Variants in RNF214 observed in about 807,000 individuals in gnomAD.
RNF214 encodes ring finger protein 214.
Under a neutral mutation model 75.9 loss-of-function variants are expected in RNF214, and 25 were observed. The observed-to-expected ratio is 0.33, with a 90% confidence interval of 0.24 to 0.46. The LOEUF (loss-of-function observed/expected upper bound fraction) is 0.46. Among genes scored for constraint, RNF214 ranks in the 20% least tolerant of loss-of-function variants. RNF214 has a pLI of 1.00. For synonymous variants in RNF214, 314 were observed against 308.8 expected, an observed-to-expected ratio of 1.02 and a Z score of -0.18; for missense variants, 725 against 857.5, an observed-to-expected ratio of 0.85 and a Z score of 1.93.
chr11:117,233,495 C>T (rs1056593134), intron 1 of RNF214, among the ~76,000 whole-genome samples: 6 of 152,206 alleles, frequency 3.9e-5, no homozygotes, highest in Non-Finnish European at 7.3e-5. Flanking sequence ...ATCCCCACCT[C>T]CCAAGTATTT....
At chr11:117,275,173 A>G (rs1229044877) in intron 6 of RNF214, among the ~76,000 whole-genome samples, 1 of 152,238 alleles carries the variant, frequency 6.6e-6, no homozygotes, top group Non-Finnish European at 1.5e-5. Flanking sequence ...TGAGTTAACA[A>G]TGAAATCAAG....
chr11:117,282,242 C>A lies in RNF214; in HGVS notation c.1684C>A (p.Leu562Met), dbSNP rs1426206676. Residue 562 changes from leucine (L) to methionine (M), a missense_variant, in exon 11 of 15, where the codon CTG (leucine) becomes ATG (methionine). By Grantham distance (15) the Leu-to-Met change is conservative (BLOSUM62 2). Around this residue, in one of 2 missense-constraint regions of RNF214, gnomAD observed 363 missense variants for 513.0 expected, o/e 0.71. Coordinates refer to ENST00000300650, the MANE Select transcript of RNF214 (RefSeq NM_207343.4). ...CAAACTGGAGAAGATCCTGGAGAAG[C>A]TGCTGACCCGGTTCCCACAGTGCAA... is the stretch of plus-strand genomic sequence containing the variant. The part of the protein sequence containing the change: ...VDKLEKILEK[L>M]LTRFPQCNKA... 1 of 1,601,850 alleles carries A rather than the reference C, an allele frequency of 6.2e-7. No homozygotes were observed. Among genetic ancestry groups the A allele is most frequent in the Non-Finnish European group, 8.5e-7 (1 of 1,173,572 alleles).
intron 6 of RNF214, among the ~76,000 whole-genome samples, chr11:117,269,634 A>C (rs994506859): frequency 6.6e-6 from 1 of 152,212 alleles, no homozygotes; most frequent in Non-Finnish European, 1.5e-5. Flanking sequence ...AAGTACTGGG[A>C]TTACAGGCGT....
At chr11:117,278,296 T>A (rs147334308) in intron 6 of RNF214, among the ~76,000 whole-genome samples, 170 of 152,276 alleles carry the variant, frequency 1.1e-3, no homozygotes, top group African/African-American at 3.9e-3. Context: ...AGAGTGAGAC[T>A]CTGTCTCAAA....
At chr11:117,244,675 T>TTTAA (rs1184796277) in intron 5 of RNF214, 90 bp downstream of exon 5, 2 of 1,035,694 alleles carry the variant, frequency 1.9e-6, no homozygotes, top group African/African-American at 1.8e-5. Flanking sequence ...TATTTATTTA[T>TTTAA]TTATTTTTGA....
At position 117,282,761 on chromosome 11, in the gene RNF214, C is replaced by T; in HGVS notation, c.1861C>T (p.Arg621Trp). Residue 621 changes from arginine to tryptophan, a missense_variant, in exon 13 of 15, where the codon CGG (arginine) becomes TGG (tryptophan). Physicochemically the swap from Arg to Trp is moderately radical, Grantham distance 101. This residue lies in a region of RNF214 where 363 missense variants were observed against 513.0 expected (regional missense o/e 0.71). Transcript: ENST00000300650. ...CTACCTACAGCCACTTGGTCGCATC[C>T]GGGCCTTGTTCCCTGCTCCACTGGC... Reference protein sequence around the residue: ...AASTQPLGRIRALFPAPLAQI... With the variant: ...AASTQPLGRIWALFPAPLAQI... 1 of 1,614,052 alleles carries T rather than the reference C, an allele frequency of 6.2e-7. No homozygotes were observed. Among genetic ancestry groups the T allele is most frequent in the Non-Finnish European group, 8.5e-7 (1 of 1,179,930 alleles).
Position 117,240,570 on chromosome 11 carries a change from C to T in RNF214, c.678+710C>T, listed in dbSNP as rs534561319. Among the ~76,000 whole-genome samples, 7 of 151,712 alleles carry T rather than the reference C, an allele frequency of 4.6e-5. No homozygotes were observed. The South Asian group carries it at 1.5e-3, about 32-fold the overall frequency. Reference sequence around the variant, plus strand: ...GGGCGTGGTGGTGTGTGCCTGTAATCCCAGCTACTCGGGAGGCTGAGGCAG... The same window carrying T: ...GGGCGTGGTGGTGTGTGCCTGTAATTCCAGCTACTCGGGAGGCTGAGGCAG... On this transcript the variant is annotated intron_variant, in intron 4 of 14. Coordinates refer to ENST00000300650, the MANE Select transcript of RNF214 (RefSeq NM_207343.4).
chr11:117,268,245 G>A (rs2033837725), intron 6 of RNF214, among the ~76,000 whole-genome samples: 1 of 152,204 alleles, frequency 6.6e-6, no homozygotes, highest in Admixed American at 6.5e-5. Flanking sequence ...TCTGTAAATT[G>A]GAGCAAGGTG....
intron 6 of RNF214, among the ~76,000 whole-genome samples, chr11:117,257,541 A>G (rs1565337862): frequency 6.6e-6 from 1 of 152,228 alleles, no homozygotes; most frequent in African/African-American, 2.4e-5. Context: ...ATTGGAAATG[A>G]GAGACTTGAA....
In RNF214 at chr11:117,238,637, T is replaced by C; in HGVS notation, c.144T>C (p.Pro48=). The change falls in exon 3 of 15, where the codon CCT becomes CCC. Residue 48 remains proline, a synonymous_variant. Transcript: ENST00000300650. ...CTGCACAGAAGCAGAAGAACTCGCC[T>C]CTGTTGAGTGTAAGTAGCCAAACAA... is the stretch of plus-strand genomic sequence containing the variant. ...KDSAQKQKNS[P]LLSVSSQTIT... The C allele has an allele frequency of 6.2e-7, 1 of 1,614,134 alleles. No homozygotes were observed. Among genetic ancestry groups the C allele is most frequent in the Non-Finnish European group, 8.5e-7 (1 of 1,179,984 alleles).
At chr11:117,275,965 G>A (rs921986083) in intron 6 of RNF214, among the ~76,000 whole-genome samples, 2 of 152,160 alleles carry the variant, frequency 1.3e-5, no homozygotes, top group Admixed American at 6.5e-5. Flanking sequence ...TATCCCTGAT[G>A]AACATAGATG....
At chr11:117,274,364 T>TTC (rs201490561) in intron 6 of RNF214, among the ~76,000 whole-genome samples, 3,349 of 140,978 alleles carry the variant, frequency 0.024, 133 homozygotes, top group African/African-American at 0.084. Context: ...TTCTTTTTTT[T>TTC]TTTTTTTTTT....
intron 4 of RNF214, among the ~76,000 whole-genome samples, chr11:117,242,207 G>T (rs1227110752): frequency 4.6e-5 from 7 of 152,070 alleles, no homozygotes; most frequent in Non-Finnish European, 2.9e-5. Flanking sequence ...TAAAGGGAAG[G>T]TAATGCTGGG....
chr11:117,269,689 T>G (rs1213668584), intron 6 of RNF214, among the ~76,000 whole-genome samples: 1 of 152,266 alleles, frequency 6.6e-6, no homozygotes, highest in East Asian at 1.9e-4. Flanking sequence ...GGTTGTCTTA[T>G]GCCTGTTGTT....
At chr11:117,248,162 A>T (rs1248173710) in intron 6 of RNF214, among the ~76,000 whole-genome samples, 2 of 151,576 alleles carry the variant, frequency 1.3e-5, no homozygotes, top group Non-Finnish European at 2.9e-5. Flanking sequence ...TGCAAGCTCC[A>T]CCTCCCGGGT....
intron 6 of RNF214, among the ~76,000 whole-genome samples, chr11:117,249,455 G>T (rs2033313618): frequency 6.6e-6 from 1 of 152,070 alleles, no homozygotes; most frequent in African/African-American, 2.4e-5. Flanking sequence ...TAAATGTGGG[G>T]TTCAGTTTTC....
At chr11:117,234,671 A>G (rs2032851117) in intron 2 of RNF214, among the ~76,000 whole-genome samples, 1 of 152,240 alleles carries the variant, frequency 6.6e-6, no homozygotes, top group Non-Finnish European at 1.5e-5. Context: ...ATTTAACCAT[A>G]TGTTTATATG....
intron 6 of RNF214, among the ~76,000 whole-genome samples, chr11:117,248,689 C>T (rs148676597): frequency 6.6e-6 from 1 of 152,148 alleles, no homozygotes; most frequent in Non-Finnish European, 1.5e-5. Flanking sequence ...GATAATTTTC[C>T]AGAAATTATG....
At chr11:117,243,946 A>G (rs2033145436) in intron 4 of RNF214, among the ~76,000 whole-genome samples, 1 of 152,156 alleles carries the variant, frequency 6.6e-6, no homozygotes, top group South Asian at 2.1e-4. Context: ...TAGTGGATCC[A>G]TCAGTTTTCA....
Sources: allele counts gnomAD v4.1 joint callset (sites outside exome capture counted in the v4.1 genomes callset), GRCh38; gene constraint gnomAD v4.1.1; regional missense constraint gnomAD v4.1.1; transcripts MANE v1.5; gene names NCBI Gene and HGNC (gene_info 2026-07-23, HGNC 2026-07-21).